DNAH14: variants seen among roughly 807,000 people sequenced by gnomAD.
The protein encoded by DNAH14 is axonemal beta dynein heavy chain 14.
Under a neutral mutation model 520.9 loss-of-function variants are expected in DNAH14, and 478 were observed. The ratio of observed to expected loss-of-function variants is 0.92; its 90% CI spans 0.85 to 0.99. The LOEUF is 0.99. Among genes scored for constraint, DNAH14 ranks in the 50% least tolerant of loss-of-function variants. The pLI is 0.00. For missense variants in DNAH14, 4,831 were observed against 5,234.5 expected, an observed-to-expected ratio of 0.92 and a Z score of 2.38; for synonymous variants, 1,581 against 1,757.2, an observed-to-expected ratio of 0.90 and a Z score of 2.51.
chr1:225,011,691 C>G (rs2064757915), intron 10 of DNAH14, among the ~76,000 whole-genome samples: 1 of 145,296 alleles, frequency 6.9e-6, no homozygotes, highest in Non-Finnish European at 1.5e-5. Context: ...TAATGCCCTT[C>G]TTTGTCTTTT....
chr1:225,174,709 A>G (rs2083122865), intron 36 of DNAH14, among the ~76,000 whole-genome samples: 1 of 152,114 alleles, frequency 6.6e-6, no homozygotes, highest in African/African-American at 2.4e-5. Flanking sequence ...CCAGTAACAT[A>G]TTGAGGAAAT....
intron 61 of DNAH14, 92 bp downstream of exon 61, chr1:225,318,769 T>C: frequency 1.7e-6 from 2 of 1,175,356 alleles, no homozygotes; most frequent in Non-Finnish European, 2.4e-6. Flanking sequence ...TTAGCCTATA[T>C]ACTAAGCCTA....
intron 27 of DNAH14, among the ~76,000 whole-genome samples, chr1:225,128,516 G>A (rs1266543428): frequency 3.3e-5 from 5 of 151,836 alleles, no homozygotes; most frequent in South Asian, 4.2e-4. Context: ...TTCAATATAC[G>A]CAAATCAATA....
At chr1:224,941,627 T>C (rs1319468470) in intron 1 of DNAH14, among the ~76,000 whole-genome samples, 1 of 152,156 alleles carries the variant, frequency 6.6e-6, no homozygotes, top group Non-Finnish European at 1.5e-5. Context: ...TCTTCCAGGG[T>C]TTTTATGGTT....
chr1:225,392,400 G>T lies in DNAH14; in HGVS notation c.13440G>T (p.Lys4480Asn). The T allele has an allele frequency of 1.3e-6, 2 of 1,552,096 alleles. No individual in the cohort carries two copies. The highest frequency in any genetic ancestry group is 2.4e-5 in the East Asian group (1 of 40,914). ...CCAACACCACTGACAAGGATGAGAA[G>T]TTCTCCGTATTTATGCCAAAGAAAC... ...VISNTTDKDE[K>N]FSVFMPKKLN... Residue 4480 changes from lysine (K) to asparagine (N), a missense_variant, in exon 84 of 86, where the codon AAG becomes AAT. Physicochemically the swap from Lys to Asn is moderately conservative, Grantham distance 94. Transcript: ENST00000682510.
At chr1:225,231,021 A>G in intron 41 of DNAH14, 52 bp from the exon 42 acceptor site, 3 of 1,326,834 alleles carry the variant, frequency 2.3e-6, no homozygotes, top group Non-Finnish European at 3.1e-6. Flanking sequence ...AGTTTACCAG[A>G]TAAATTTTAG....
intron 68 of DNAH14, among the ~76,000 whole-genome samples, chr1:225,338,754 A>G (rs1402781245): frequency 6.6e-6 from 1 of 152,202 alleles, no homozygotes; most frequent in African/African-American, 2.4e-5. Context: ...GTTAATGTGC[A>G]TTCTCTCCTT....
chr1:224,985,046 A>G (rs944935614), intron 8 of DNAH14, among the ~76,000 whole-genome samples: 1 of 152,204 alleles, frequency 6.6e-6, no homozygotes, highest in Non-Finnish European at 1.5e-5. Flanking sequence ...CTGCTATGGA[A>G]AACAGCGTGG....
intron 80 of DNAH14, 25 bp downstream of exon 80, chr1:225,380,347 C>T: frequency 6.5e-7 from 1 of 1,538,070 alleles, no homozygotes; most frequent in South Asian, 1.2e-5. Context: ...GGAGCTTTTT[C>T]CCCTTACCTC....
rs142537292 is a variant in DNAH14 at position 224,938,279 on chromosome 1, A to G, written c.-34+8444A>G. ...GACAATCTACAGAAAGGGAGAACGT[A>G]TTTGCAACCTAAGCATATGACAAGG... On this transcript the variant is annotated intron_variant, in intron 1 of 85. Transcript: ENST00000682510. Among the ~76,000 whole-genome samples the G allele has an allele frequency of 1.4e-4, 21 of 152,328 alleles. 1 individual carries two copies. In the East Asian group the frequency reaches 2.9e-3, roughly 21 times the overall value.
intron 81 of DNAH14, among the ~76,000 whole-genome samples, chr1:225,383,669 G>C (rs1412771889): frequency 1.3e-5 from 2 of 152,226 alleles, no homozygotes; most frequent in Non-Finnish European, 2.9e-5. Context: ...GTGAGAAACA[G>C]ATGAAGACAT....
intron 27 of DNAH14, among the ~76,000 whole-genome samples, chr1:225,137,229 T>C (rs1334536511): frequency 6.6e-6 from 1 of 152,200 alleles, no homozygotes; most frequent in African/African-American, 2.4e-5. Flanking sequence ...TTTTTGAGTT[T>C]TCAGTGTTTT....
chr1:225,355,684 A>C (rs1442480062), intron 73 of DNAH14, among the ~76,000 whole-genome samples: 1 of 152,196 alleles, frequency 6.6e-6, no homozygotes, highest in African/African-American at 2.4e-5. Flanking sequence ...ATATGTATAC[A>C]TATCTTGAAG....
chr1:224,980,778 C>T (rs928089749), intron 8 of DNAH14, among the ~76,000 whole-genome samples: 3 of 152,020 alleles, frequency 2.0e-5, no homozygotes, highest in African/African-American at 7.2e-5. Context: ...AACATACATC[C>T]GACCCAGTGC....
chr1:225,266,899 G>A, intron 49 of DNAH14, 130 bp downstream of exon 49: 2 of 756,188 alleles, frequency 2.6e-6, no homozygotes, highest in Non-Finnish European at 4.0e-6. Context: ...GTTAAGCAAA[G>A]TTGAGACCCT....
chr1:225,355,948 C>T (rs973993980), intron 73 of DNAH14, among the ~76,000 whole-genome samples: 12 of 152,160 alleles, frequency 7.9e-5, no homozygotes, highest in African/African-American at 2.9e-4. Flanking sequence ...TACCTTCTGC[C>T]TCCCATCATG....
intron 15 of DNAH14, 81 bp downstream of exon 15, chr1:225,044,064 C>G (rs546988579): frequency 2.6e-6 from 2 of 769,626 alleles, no homozygotes; most frequent in African/African-American, 3.5e-5. Flanking sequence ...ATGCCTTTAC[C>G]CAGGGATGTG....
intron 75 of DNAH14, 71 bp downstream of exon 75, chr1:225,360,962 C>T (rs1017667411): frequency 3.0e-5 from 40 of 1,354,532 alleles, no homozygotes; most frequent in Non-Finnish European, 4.0e-5. Flanking sequence ...CTGGAAATGT[C>T]AATGTATACT....
At chr1:225,045,360 A>C (rs892871273) in intron 15 of DNAH14, among the ~76,000 whole-genome samples, 13 of 152,024 alleles carry the variant, frequency 8.6e-5, no homozygotes, top group African/African-American at 2.9e-4. Flanking sequence ...ATATGCTTTA[A>C]TCTAGTTATG....
Sources: allele counts gnomAD v4.1 joint callset (sites outside exome capture counted in the v4.1 genomes callset), GRCh38; gene constraint gnomAD v4.1.1; transcripts MANE v1.5; gene names NCBI Gene and HGNC (gene_info 2026-07-23, HGNC 2026-07-21).